The following ZDHHC15 variants were observed in gnomAD, a reference collection of about 807,000 sequenced individuals.
The protein encoded by ZDHHC15 is zDHHC palmitoyltransferase 15.
Under a neutral mutation model 31.7 loss-of-function variants are expected in ZDHHC15, and 19 were observed. That is an observed-to-expected ratio of 0.60 (90% confidence interval 0.42 to 0.88). The LOEUF (loss-of-function observed/expected upper bound fraction) is 0.88. ZDHHC15 is among the 40% of genes least tolerant of loss of function. The pLI, the probability that ZDHHC15 is intolerant of heterozygous loss-of-function variation, is 0.00. For synonymous variants in ZDHHC15, 103 were observed against 90.0 expected (o/e 1.14, Z -0.82); for missense variants, 209 against 251.2 (o/e 0.83, Z 1.14).
intron 4 of ZDHHC15, among the ~76,000 whole-genome samples, 164 bp from the exon 5 acceptor site, chrX:75,431,684 T>C (rs1392999914): frequency 9.0e-6 from 1 of 111,273 alleles, no homozygotes; most frequent in East Asian, 2.8e-4. Context: ...TTGGGGTATA[T>C]ATTTTTTTCC....
At chrX:75,494,256 A>T (rs2084950703) in intron 2 of ZDHHC15, among the ~76,000 whole-genome samples, 1 of 111,471 alleles carries the variant, frequency 9.0e-6, no homozygotes, top group Non-Finnish European at 1.9e-5. Context: ...AAGGAGAACT[A>T]CAAACCACTG....
At chrX:75,522,201 G>T (rs1377805065) in intron 1 of ZDHHC15, among the ~76,000 whole-genome samples, 1 of 111,628 alleles carries the variant, frequency 9.0e-6, no homozygotes, top group Admixed American at 9.5e-5. Context: ...TGATTAAATG[G>T]GGGGAGCCCA....
rs200113912 is a variant in ZDHHC15 at position 75,384,891 on chromosome X, C to T, written c.968-5693G>A. The T allele has an allele frequency of 2.3e-4, 115 of 495,596 alleles. No individual in the cohort carries two copies. In the East Asian group the frequency reaches 4.1e-3, roughly 18 times the overall value. The allele number at this position is 495,596 out of a possible 1,213,427, so 40.8% of individuals were successfully genotyped here. A position where few individuals can be genotyped will look rare whatever the true frequency, so the allele number is the denominator to read the frequency against. On this transcript the variant is annotated intron_variant, in intron 10 of 11. Coordinates refer to ENST00000373367, the MANE Select transcript of ZDHHC15 (RefSeq NM_144969.3). Reference sequence around the variant, plus strand: ...AAAAAAAAAGATGGTAAATAATTGACTAAGATTAAAGACTCTTCCATCATT... The same window carrying T: ...AAAAAAAAAGATGGTAAATAATTGATTAAGATTAAAGACTCTTCCATCATT...
chrX:75,421,983 G>A lies in ZDHHC15; in HGVS notation c.744C>T (p.Phe248=). ...GGCCACTTGTAAACACTGGAGTGCA[G>A]AAGGCCTCTAAGGCAGGGCAGGAGA... The part of the protein sequence containing the change: ...VSRNKTTLEA[F]CTPVFTSGPE... Residue 248 remains phenylalanine (F), a synonymous_variant, in exon 9 of 12, where the codon TTC becomes TTT. Coordinates refer to ENST00000373367, the MANE Select transcript of ZDHHC15 (RefSeq NM_144969.3). The A allele has an allele frequency of 1.7e-6, 2 of 1,208,246 alleles. No homozygotes were observed. Among genetic ancestry groups the A allele is most frequent in the Non-Finnish European group, 2.2e-6 (2 of 893,865 alleles).
At chrX:75,393,799 C>A (rs1165447888) in intron 10 of ZDHHC15, among the ~76,000 whole-genome samples, 1 of 111,174 alleles carries the variant, frequency 9.0e-6, no homozygotes, top group Non-Finnish European at 1.9e-5. Flanking sequence ...AGTATTATAC[C>A]ACCACAAGGT....
intron 10 of ZDHHC15, among the ~76,000 whole-genome samples, chrX:75,404,578 G>T (rs1381629451): frequency 1.8e-5 from 2 of 111,907 alleles, no homozygotes; most frequent in Non-Finnish European, 3.8e-5. Flanking sequence ...GACATGAGCA[G>T]ATGCTTCTCA....
intron 2 of ZDHHC15, among the ~76,000 whole-genome samples, chrX:75,495,043 G>A (rs1435456365): frequency 9.0e-6 from 1 of 111,599 alleles, no homozygotes; most frequent in Admixed American, 9.6e-5. Context: ...ATCTGTCAAA[G>A]GGCTAATATC....
At chrX:75,481,399 A>ATGGGAGG (rs914327642) in intron 2 of ZDHHC15, among the ~76,000 whole-genome samples, 2 of 111,680 alleles carry the variant, frequency 1.8e-5, no homozygotes, top group African/African-American at 6.5e-5. Context: ...AATGATTGAG[A>ATGGGAGG]TGGGAAGTGT....
intron 6 of ZDHHC15, 100 bp downstream of exon 6, chrX:75,429,848 G>C: frequency 5.8e-6 from 5 of 861,996 alleles, no homozygotes. Context: ...AGTGAATTAT[G>C]GTGGCAGAAA....
At position 75,371,727 on chromosome X, in the gene ZDHHC15, T is replaced by C. The variant is rs991224371; in HGVS notation, c.*1251A>G. 4.5e-5 allele frequency: 5 copies of C among 111,496 alleles called. No homozygotes were observed. Among genetic ancestry groups the C allele is most frequent in the African/African-American group, 1.3e-4 (4 of 30,709 alleles). The allele number at this position is 111,496 out of a possible 1,213,427, so 9.2% of individuals were successfully genotyped here. On this transcript the variant is annotated 3_prime_UTR_variant, in exon 12 of 12. Transcript: ENST00000373367. ...AGCAGCTGGGCACTAGACTGCTGGA[T>C]GAAAAAATGAAAGATATCAATACTC...
In ZDHHC15 at chrX:75,406,969, A is replaced by G. The variant is rs1341313199; in HGVS notation, c.967+10118T>C. Among the ~76,000 whole-genome samples the G allele has an allele frequency of 3.6e-5, 4 of 112,160 alleles. No individual in the cohort carries two copies. The Admixed American group carries it at 3.8e-4, about 11-fold the overall frequency. Reference sequence around the variant, plus strand: ...GCAAACTGAACTCAATCACAAATTTAAAACATTAGTCAGTGCTCAATGTTG... The same window carrying G: ...GCAAACTGAACTCAATCACAAATTTGAAACATTAGTCAGTGCTCAATGTTG... On this transcript the variant is annotated intron_variant, in intron 10 of 11. Transcript: ENST00000373367.
intron 1 of ZDHHC15, among the ~76,000 whole-genome samples, chrX:75,507,075 A>G (rs2085178843): frequency 9.0e-6 from 1 of 111,490 alleles, no homozygotes; most frequent in Non-Finnish European, 1.9e-5. Context: ...ATAACTGCAG[A>G]ACTTTTAAGT....
chrX:75,495,063 C>A (rs1016040720), intron 2 of ZDHHC15, among the ~76,000 whole-genome samples: 3 of 111,439 alleles, frequency 2.7e-5, no homozygotes, highest in African/African-American at 9.8e-5. Flanking sequence ...CCAGAATCTA[C>A]AATGAACTTA....
chrX:75,509,732 TTAAG>T (rs1212557455), intron 1 of ZDHHC15, among the ~76,000 whole-genome samples: 1 of 112,718 alleles, frequency 8.9e-6, no homozygotes, highest in Non-Finnish European at 1.9e-5. Context: ...GTTACAAGGA[TTAAG>T]TAATAACATA....
At chrX:75,520,404 A>G (rs949499808) in intron 1 of ZDHHC15, among the ~76,000 whole-genome samples, 1 of 111,950 alleles carries the variant, frequency 8.9e-6, no homozygotes, top group African/African-American at 3.2e-5. Context: ...TGCCTCATAT[A>G]GTTATTGTGA....
chrX:75,431,627 C>G, intron 4 of ZDHHC15, 107 bp from the exon 5 acceptor site: 1 of 606,347 alleles, frequency 1.6e-6, no homozygotes, highest in Admixed American at 4.3e-5. Flanking sequence ...TATAGATAGT[C>G]AAACTCATCT....
chrX:75,511,709 C>G (rs2085277084), intron 1 of ZDHHC15, among the ~76,000 whole-genome samples: 1 of 102,210 alleles, frequency 9.8e-6, no homozygotes, highest in African/African-American at 3.6e-5. Flanking sequence ...ACCAGAGGTA[C>G]AAGGAGGAAC....
intron 2 of ZDHHC15, among the ~76,000 whole-genome samples, chrX:75,482,146 G>T (rs1457719782): frequency 1.8e-5 from 2 of 110,907 alleles, no homozygotes; most frequent in Non-Finnish European, 3.8e-5. Flanking sequence ...TGGGGAACAA[G>T]GGTTGAAAAA....
intron 10 of ZDHHC15, among the ~76,000 whole-genome samples, chrX:75,393,215 AG>A (rs1354637633): frequency 9.0e-6 from 1 of 111,392 alleles, no homozygotes; most frequent in Admixed American, 9.6e-5. Context: ...AGGTAGGAGG[AG>A]CCCAAAATGT....
Sources: allele counts gnomAD v4.1 joint callset (sites outside exome capture counted in the v4.1 genomes callset), GRCh38; gene constraint gnomAD v4.1.1; transcripts MANE v1.5; gene names NCBI Gene and HGNC (gene_info 2026-07-23, HGNC 2026-07-21).